Variants in IL1RAPL1 observed in about 807,000 individuals in gnomAD.
The protein encoded by IL1RAPL1 is interleukin 1 receptor accessory protein like 1.
A neutral mutation model predicts 48.4 loss-of-function variants in IL1RAPL1; 3 were observed. The ratio of observed to expected loss-of-function variants is 0.06; its 90% CI spans 0.03 to 0.16. The LOEUF (loss-of-function observed/expected upper bound fraction) is 0.16, where lower values mean the gene tolerates loss of function less well. Ranked by LOEUF, IL1RAPL1 falls within the 10% of genes least tolerant of loss-of-function variation. The pLI is 1.00. For synonymous variants in IL1RAPL1, 185 were observed against 187.7 expected, an observed-to-expected ratio of 0.99 and a Z score of 0.12; for missense variants, 349 against 530.6, an observed-to-expected ratio of 0.66 and a Z score of 3.36.
intron 2 of IL1RAPL1, among the ~76,000 whole-genome samples, chrX:29,236,712 A>G (rs1001430885): frequency 1.1e-5 from 1 of 93,447 alleles, no homozygotes; most frequent in East Asian, 3.3e-4. Flanking sequence ...ACAGGCGCCC[A>G]CCACGCCTGG....
At chrX:28,962,984 G>T (rs1422561366) in intron 2 of IL1RAPL1, among the ~76,000 whole-genome samples, 1 of 109,044 alleles carries the variant, frequency 9.2e-6, no homozygotes, top group Non-Finnish European at 1.9e-5. Context: ...TTTAATTCAT[G>T]ATTTTGATAA....
intron 5 of IL1RAPL1, among the ~76,000 whole-genome samples, chrX:29,572,202 G>T (rs1385806556): frequency 8.9e-6 from 1 of 112,145 alleles, no homozygotes. Flanking sequence ...GACAGTTAGA[G>T]TTTCTTACAA....
At chrX:28,795,341 G>A (rs1017425820) in intron 2 of IL1RAPL1, among the ~76,000 whole-genome samples, 2 of 111,471 alleles carry the variant, frequency 1.8e-5, no homozygotes, top group African/African-American at 6.5e-5. Context: ...CAATGTCTTT[G>A]TTTAGTTATA....
At chrX:29,681,706 AT>A (rs1384227957) in intron 6 of IL1RAPL1, among the ~76,000 whole-genome samples, 4 of 112,271 alleles carry the variant, frequency 3.6e-5, no homozygotes, top group Non-Finnish European at 7.5e-5. Flanking sequence ...ATCAGTGATT[AT>A]TCTTGCTTCA....
chrX:29,526,177 ACT>A (rs1195033306), intron 5 of IL1RAPL1, among the ~76,000 whole-genome samples: 1 of 111,293 alleles, frequency 9.0e-6, no homozygotes, highest in East Asian at 2.8e-4. Context: ...AGTCCGTTGA[ACT>A]CTGTTTCAGG....
chrX:29,363,701 G>A (rs1933407601), intron 3 of IL1RAPL1, among the ~76,000 whole-genome samples: 1 of 111,298 alleles, frequency 9.0e-6, no homozygotes, highest in Admixed American at 9.6e-5. Context: ...AGAAGGTGAA[G>A]AGAAAGCAGT....
intron 6 of IL1RAPL1, among the ~76,000 whole-genome samples, chrX:29,698,682 G>A (rs1049493412): frequency 2.7e-5 from 3 of 111,578 alleles, no homozygotes; most frequent in Admixed American, 9.5e-5. Flanking sequence ...GATTGCAATT[G>A]CATGCCAAAA....
intron 2 of IL1RAPL1, among the ~76,000 whole-genome samples, chrX:29,016,045 A>G (rs1195781145): frequency 8.9e-6 from 1 of 111,784 alleles, no homozygotes; most frequent in African/African-American, 3.2e-5. Context: ...GTAGATTGTG[A>G]TAAGTGCTAA....
intron 6 of IL1RAPL1, among the ~76,000 whole-genome samples, chrX:29,899,120 GGT>G (rs112187676): frequency 3.7e-5 from 4 of 107,225 alleles, no homozygotes; most frequent in South Asian, 4.0e-4. Flanking sequence ...TATTTATTAG[GGT>G]GTGTGTGTGT....
chrX:29,885,279 C>A (rs890120458), intron 6 of IL1RAPL1, among the ~76,000 whole-genome samples: 1 of 112,131 alleles, frequency 8.9e-6, no homozygotes, highest in Non-Finnish European at 1.9e-5. Flanking sequence ...AATTGCAAAC[C>A]TATTCTACTG....
At chrX:29,688,885 CA>C (rs1926705195) in intron 6 of IL1RAPL1, among the ~76,000 whole-genome samples, 1 of 109,313 alleles carries the variant, frequency 9.1e-6, no homozygotes, top group South Asian at 4.0e-4. Context: ...AAGACATTAC[CA>C]AAAACTATCC....
At chrX:29,344,290 AG>A (rs1440589810) in intron 3 of IL1RAPL1, among the ~76,000 whole-genome samples, 1 of 112,114 alleles carries the variant, frequency 8.9e-6, no homozygotes, top group Non-Finnish European at 1.9e-5. Flanking sequence ...AAATTGAAAA[AG>A]AAATAAATTA....
At chrX:28,969,377 T>G (rs991318686) in intron 2 of IL1RAPL1, among the ~76,000 whole-genome samples, 1 of 111,306 alleles carries the variant, frequency 9.0e-6, no homozygotes, top group Non-Finnish European at 1.9e-5. Context: ...AGTCTCATTC[T>G]CAAGAGACTT....
intron 2 of IL1RAPL1, among the ~76,000 whole-genome samples, chrX:28,829,952 T>C (rs1477380057): frequency 9.0e-6 from 1 of 111,680 alleles, no homozygotes; most frequent in African/African-American, 3.3e-5. Flanking sequence ...TTGATTGAAT[T>C]TTAGATATTA....
At chrX:28,889,941 G>A (rs1241707975) in intron 2 of IL1RAPL1, among the ~76,000 whole-genome samples, 1 of 111,391 alleles carries the variant, frequency 9.0e-6, no homozygotes, top group East Asian at 2.8e-4. Flanking sequence ...TAGGTATCCA[G>A]TTCCAATGCC....
At chrX:29,559,875 C>T (rs1306770142) in intron 5 of IL1RAPL1, among the ~76,000 whole-genome samples, 6 of 111,153 alleles carry the variant, frequency 5.4e-5, no homozygotes, top group African/African-American at 1.3e-4. Context: ...TATTAAGGCT[C>T]TAGTTATTTT....
chrX:29,252,445 T>C (rs1239966699), intron 2 of IL1RAPL1, among the ~76,000 whole-genome samples: 1 of 113,956 alleles, frequency 8.8e-6, no homozygotes, highest in Non-Finnish European at 1.9e-5. Context: ...GTTAAATACA[T>C]TTTTTTAAAG....
chrX:28,961,872 A>G (rs1052137696), intron 2 of IL1RAPL1, among the ~76,000 whole-genome samples: 2 of 111,751 alleles, frequency 1.8e-5, no homozygotes, highest in Admixed American at 1.9e-4. Context: ...GTCTAGATAA[A>G]TAGATACCAT....
chrX:28,793,305 A>G (rs1227533324), intron 2 of IL1RAPL1, among the ~76,000 whole-genome samples: 1 of 110,626 alleles, frequency 9.0e-6, no homozygotes, highest in Non-Finnish European at 1.9e-5. Flanking sequence ...AGTTGAGGAA[A>G]TTTAGCTTTA....
Sources: gnomAD v4.1 joint callset for allele counts (sites outside exome capture counted in the v4.1 genomes callset) on GRCh38, gnomAD v4.1.1 for gene constraint, MANE v1.5 for transcripts, NCBI Gene and HGNC (gene_info 2026-07-23, HGNC 2026-07-21) for gene names.